The following SLC13A3 variants were observed in gnomAD, a reference collection of about 807,000 sequenced individuals.
The protein encoded by SLC13A3 is Na(+)/dicarboxylate cotransporter 3.
In SLC13A3, 40 loss-of-function variants were observed where a neutral mutation model predicts 59.0. The ratio of observed to expected loss-of-function variants is 0.68; its 90% confidence interval spans 0.53 to 0.88. The LOEUF is 0.88. Ranked by LOEUF, SLC13A3 falls within the 40% of genes least tolerant of loss-of-function variation. SLC13A3 has a pLI of 0.00. For missense variants in SLC13A3, 699 were observed against 783.2 expected, an observed-to-expected ratio of 0.89 and a Z score of 1.28; for synonymous variants, 317 against 330.3, an observed-to-expected ratio of 0.96 and a Z score of 0.44.
intron 1 of SLC13A3, among the ~76,000 whole-genome samples, chr20:46,664,953 T>C (rs932672139): frequency 6.6e-6 from 1 of 152,078 alleles, no homozygotes; most frequent in Non-Finnish European, 1.5e-5. Flanking sequence ...CAAAGTAGGA[T>C]CCTGAAAGCC....
chr20:46,581,908 T>A (rs1464811472), intron 9 of SLC13A3, among the ~76,000 whole-genome samples: 4 of 152,030 alleles, frequency 2.6e-5, no homozygotes, highest in African/African-American at 9.7e-5. Context: ...AAAAACTGAA[T>A]CCTGTTCAAC....
intron 1 of SLC13A3, among the ~76,000 whole-genome samples, chr20:46,620,773 A>G (rs2062605755): frequency 6.6e-6 from 1 of 152,232 alleles, no homozygotes; most frequent in Admixed American, 6.5e-5. Context: ...CTGGTTCAGC[A>G]TACACAATTC....
intron 3 of SLC13A3, chr20:46,608,752 A>G: frequency 8.7e-7 from 1 of 1,143,638 alleles, no homozygotes; most frequent in East Asian, 2.6e-5. Context: ...TCATATTTTA[A>G]AAACTAGAAC....
intron 9 of SLC13A3, among the ~76,000 whole-genome samples, chr20:46,578,010 A>AT (rs982532347): frequency 9.9e-5 from 15 of 151,446 alleles, no homozygotes; most frequent in East Asian, 1.9e-4. Flanking sequence ...TTATTTATTT[A>AT]TTTTTTTTGA....
intron 1 of SLC13A3, among the ~76,000 whole-genome samples, chr20:46,659,266 A>G (rs1223629186): frequency 6.6e-6 from 1 of 151,830 alleles, no homozygotes; most frequent in African/African-American, 2.4e-5. Context: ...TTTTGTATCA[A>G]CTGATTATAT....
At chr20:46,614,639 C>T (rs1035311003) in intron 1 of SLC13A3, among the ~76,000 whole-genome samples, 2 of 152,116 alleles carry the variant, frequency 1.3e-5, no homozygotes, top group Non-Finnish European at 1.5e-5. Flanking sequence ...TATTAAGTAC[C>T]AGGTGCTATT....
chr20:46,576,513 C>T (rs894245440), intron 9 of SLC13A3, among the ~76,000 whole-genome samples: 7 of 152,124 alleles, frequency 4.6e-5, no homozygotes, highest in African/African-American at 7.2e-5. Context: ...CCTGTGAACA[C>T]GAACCAGGAC....
intron 1 of SLC13A3, among the ~76,000 whole-genome samples, chr20:46,644,313 A>C (rs6012001): frequency 2.0e-5 from 3 of 152,014 alleles, no homozygotes; most frequent in African/African-American, 4.8e-5. Context: ...ATATGAACCC[A>C]TTTCCTCCCC....
chr20:46,618,458 C>T (rs1286674355), intron 1 of SLC13A3, among the ~76,000 whole-genome samples: 2 of 152,216 alleles, frequency 1.3e-5, no homozygotes, highest in African/African-American at 4.8e-5. Flanking sequence ...TTCTGTCCCC[C>T]CAGATTCATA....
At chr20:46,638,569 G>A (rs1649976119) in intron 1 of SLC13A3, among the ~76,000 whole-genome samples, 1 of 152,224 alleles carries the variant, frequency 6.6e-6, no homozygotes, top group South Asian at 2.1e-4. Flanking sequence ...CTGAGGGCAG[G>A]AGTGCCTTTC....
intron 1 of SLC13A3, among the ~76,000 whole-genome samples, chr20:46,645,813 C>T (rs2122869417): frequency 6.6e-6 from 1 of 152,312 alleles, no homozygotes; most frequent in Non-Finnish European, 1.5e-5. Flanking sequence ...TCCTAATCAT[C>T]AGTGATGATC....
intron 1 of SLC13A3, among the ~76,000 whole-genome samples, chr20:46,649,063 A>C (rs1308833251): frequency 6.6e-6 from 1 of 152,082 alleles, no homozygotes; most frequent in Non-Finnish European, 1.5e-5. Context: ...TTCACCTGTC[A>C]AATAGGGATG....
chr20:46,558,049 T>C lies in SLC13A3; in HGVS notation c.*1973A>G, dbSNP rs1875835228. ...ACATTTGTATTTTCATAAATTTATA[T>C]TCTAGAGGGAGAAGAAGATAATAAG... On this transcript the variant is annotated 3_prime_UTR_variant, in exon 13 of 13. Transcript: ENST00000279027. The C allele has an allele frequency of 6.6e-6, 1 of 151,930 alleles. No individual in the cohort carries two copies. Among genetic ancestry groups the C allele is most frequent in the South Asian group, 2.1e-4 (1 of 4,814 alleles). 9.4% of individuals were successfully genotyped at this position (151,930 alleles called of 1,614,324 possible). A position where few individuals can be genotyped will look rare whatever the true frequency, so the allele number is the denominator to read the frequency against.
At chr20:46,589,363 G>A in intron 6 of SLC13A3, 108 bp from the exon 7 acceptor site, 1 of 837,624 alleles carries the variant, frequency 1.2e-6, no homozygotes, top group Non-Finnish European at 2.0e-6. Flanking sequence ...TGTCCGGGAG[G>A]CTGCAACTGC....
chr20:46,633,942 T>G (rs568999488), intron 1 of SLC13A3, among the ~76,000 whole-genome samples: 59 of 152,376 alleles, frequency 3.9e-4, no homozygotes, highest in African/African-American at 1.4e-3. Context: ...TGGCAACTTC[T>G]CTGCCCATGT....
intron 1 of SLC13A3, among the ~76,000 whole-genome samples, chr20:46,649,773 C>T (rs1461316381): frequency 6.6e-6 from 1 of 152,142 alleles, no homozygotes; most frequent in African/African-American, 2.4e-5. Flanking sequence ...GTGACCTCAT[C>T]CTTCTTCCAT....
intron 3 of SLC13A3, among the ~76,000 whole-genome samples, chr20:46,601,690 A>G (rs2062382143): frequency 6.6e-6 from 1 of 152,194 alleles, no homozygotes; most frequent in South Asian, 2.1e-4. Flanking sequence ...AGGCTCAAAG[A>G]AAGTCTGATG....
At chr20:46,608,850 C>T (rs1029982508) in intron 3 of SLC13A3, 1 of 1,537,300 alleles carries the variant, frequency 6.5e-7, no homozygotes, top group African/African-American at 1.4e-5. Context: ...GATCTGCCAT[C>T]TATCTCTCAA....
chr20:46,629,181 T>C (rs1007626758), intron 1 of SLC13A3, among the ~76,000 whole-genome samples: 1 of 152,250 alleles, frequency 6.6e-6, no homozygotes, highest in African/African-American at 2.4e-5. Flanking sequence ...ATCCTCTGAA[T>C]ACACAAGTGA....
Sources: allele counts gnomAD v4.1 joint callset (sites outside exome capture counted in the v4.1 genomes callset), GRCh38; gene constraint gnomAD v4.1.1; transcripts MANE v1.5; gene names NCBI Gene and HGNC (gene_info 2026-07-23, HGNC 2026-07-21).